The following POLR3C variants were observed in gnomAD, a reference collection of about 807,000 sequenced individuals.
POLR3C encodes RNA polymerase III subunit C, also known as DNA-directed RNA polymerase III subunit RPC3.
POLR3C carries 44 observed loss-of-function variants against 65.9 expected under a neutral mutation model. The ratio of observed to expected loss-of-function variants is 0.67; its 90% CI spans 0.52 to 0.86. The LOEUF is 0.86. POLR3C is among the 40% of genes least tolerant of loss of function. POLR3C has a pLI of 0.00. For missense variants in POLR3C, 576 were observed against 653.2 expected, an observed-to-expected ratio of 0.88 and a Z score of 1.29; for synonymous variants, 263 against 231.6, an observed-to-expected ratio of 1.14 and a Z score of -1.23.
At position 145,827,120 on chromosome 1, in the gene POLR3C, G is replaced by A. The variant is rs782333127; in HGVS notation, c.589+115G>A. On this transcript the variant is annotated intron_variant, in intron 4 of 14. Coordinates refer to ENST00000334163, the MANE Select transcript of POLR3C (RefSeq NM_006468.8). ...AAGTATTTGCTATGTGCCAGACATC[G>A]TGGTGTATAACAATGAAAAAATCAT... 1.3e-4 allele frequency: 114 copies of A among 863,068 alleles called. No individual in the cohort carries two copies. In the East Asian group the frequency reaches 2.1e-3, roughly 16 times the overall value. 53.5% of individuals were successfully genotyped at this position (863,068 alleles called of 1,614,324 possible).
intron 2 of POLR3C, 104 bp downstream of exon 2, chr1:145,826,027 GC>G (rs1650711223): frequency 5.6e-6 from 5 of 897,916 alleles, no homozygotes; most frequent in Non-Finnish European, 8.7e-6. Context: ...AATGAAGAAA[GC>G]CTGCCCTTGG....
chr1:145,837,447 TAATTATA>T, intron 9 of POLR3C, 82 bp from the exon 10 acceptor site: 1 of 637,634 alleles, frequency 1.6e-6, no homozygotes, highest in Non-Finnish European at 2.7e-6. Flanking sequence ...ATTTAAAATT[TAATTATA>T]AATTAGAAAC....
chr1:145,840,523 A>G (rs2101658459), intron 13 of POLR3C: 1 of 261,096 alleles, frequency 3.8e-6, no homozygotes, highest in Non-Finnish European at 7.3e-6. Flanking sequence ...CTGGGCGACA[A>G]AGTGAGACTC....
At chr1:145,829,829 T>G (rs1651146975) in intron 5 of POLR3C, among the ~76,000 whole-genome samples, 1 of 152,252 alleles carries the variant, frequency 6.6e-6, no homozygotes, top group Admixed American at 6.5e-5. Context: ...TTATCATTTC[T>G]ATCTTAAATG....
intron 4 of POLR3C, 120 bp from the exon 5 acceptor site, chr1:145,828,629 C>A (rs1650990461): frequency 2.9e-6 from 2 of 701,038 alleles, no homozygotes; most frequent in Non-Finnish European, 5.1e-6. Context: ...GCCCCCTAAG[C>A]AACTCTGATC....
chr1:145,825,891 A>AT lies in POLR3C; in HGVS notation c.117dup (p.Ala40CysfsTer3). 6.2e-7 allele frequency: 1 copy of AT among 1,613,748 alleles called. No homozygotes were observed. Among genetic ancestry groups the AT allele is most frequent in the Non-Finnish European group, 8.5e-7 (1 of 1,179,602 alleles). On this transcript the variant is annotated frameshift_variant, in exon 2 of 15. Coordinates refer to ENST00000334163, the MANE Select transcript of POLR3C (RefSeq NM_006468.8). LOFTEE classifies it high-confidence loss of function. ...AACCGGCAGCCAGCCACTAAGAGTA[A>AT]TTGCCCATGACACAGGAACATCACT... is the stretch of plus-strand genomic sequence containing the variant.
rs1553726503 is a variant in POLR3C at position 145,828,906 on chromosome 1, C to T, written c.678+69C>T. The T allele has an allele frequency of 6.1e-6, 5 of 815,798 alleles. No homozygotes were observed. The African/African-American group carries it at 8.5e-5, about 14-fold the overall frequency. 50.5% of individuals were successfully genotyped at this position (815,798 alleles called of 1,614,324 possible). ...CAGAAAGAGCACTCAGATAACAAGC[C>T]CCAAGAGAGCTTAAAGCTTCCTGAG... On this transcript the variant is annotated intron_variant, in intron 5 of 14. Coordinates refer to ENST00000334163, the MANE Select transcript of POLR3C (RefSeq NM_006468.8).
At chr1:145,840,324 G>C in intron 13 of POLR3C, 159 bp downstream of exon 13, 1 of 597,724 alleles carries the variant, frequency 1.7e-6, no homozygotes, top group Non-Finnish European at 3.0e-6. Context: ...TGGATCACTT[G>C]AGGTCAGGAG....
intron 14 of POLR3C, among the ~76,000 whole-genome samples, chr1:145,841,870 C>T (rs1652319702): frequency 6.6e-6 from 1 of 151,800 alleles, no homozygotes; most frequent in African/African-American, 2.4e-5. Flanking sequence ...CAAAAGCAGA[C>T]ATCTTTGTTT....
chr1:145,825,577 C>A (rs1375932770), intron 1 of POLR3C, among the ~76,000 whole-genome samples, 180 bp from the exon 2 acceptor site: 1 of 152,092 alleles, frequency 6.6e-6, no homozygotes, highest in Admixed American at 6.5e-5. Flanking sequence ...TTAGCTTTTT[C>A]TTTCTTTGGA....
intron 7 of POLR3C, among the ~76,000 whole-genome samples, chr1:145,836,102 G>A (rs1651799778): frequency 7.4e-6 from 1 of 134,624 alleles, no homozygotes; most frequent in South Asian, 2.3e-4. Flanking sequence ...ACAGTTTTGT[G>A]GTAACTAAAA....
chr1:145,825,919 A>T lies in POLR3C; in HGVS notation c.143A>T (p.Asp48Val). ...GCCCATGACACAGGAACATCACTGG[A>T]TCAGGTATGTCTAAATGACATTCAT... ...VIAHDTGTSL[D>V]QVKKALCVLV... Residue 48 changes from aspartate (D) to valine (V), a missense_variant, in exon 2 of 15, where the codon GAT (aspartate) becomes GTT (valine). Physicochemically the swap from Asp to Val is radical, Grantham distance 152 (BLOSUM62 -3). Transcript: ENST00000334163. 6.2e-7 allele frequency: 1 copy of T among 1,608,800 alleles called. No individual in the cohort carries two copies. The highest frequency in any genetic ancestry group is 8.5e-7 in the Non-Finnish European group (1 of 1,175,174).
chr1:145,830,407 C>T (rs1651204823), intron 5 of POLR3C, among the ~76,000 whole-genome samples: 2 of 151,986 alleles, frequency 1.3e-5, no homozygotes, highest in Admixed American at 6.6e-5. Flanking sequence ...GAAAAGTAGA[C>T]ATCTGATAAA....
At position 145,843,387 on chromosome 1, in the gene POLR3C, A is replaced by G. The variant is rs1199204977; in HGVS notation, c.*967A>G. Among the ~76,000 whole-genome samples the G allele has an allele frequency of 6.6e-6, 1 of 152,190 alleles. No individual in the cohort carries two copies. Among genetic ancestry groups the G allele is most frequent in the Non-Finnish European group, 1.5e-5 (1 of 68,040 alleles). ...TTAAAGCAGTTAGATGTTTTATAAT[A>G]TCTTCAGTTTTCTCTCACCAATGTG... is the stretch of plus-strand genomic sequence containing the variant. On this transcript the variant is annotated 3_prime_UTR_variant, in exon 15 of 15. Transcript: ENST00000334163.
chr1:145,833,396 C>A, intron 6 of POLR3C, 32 bp downstream of exon 6: 1 of 1,535,526 alleles, frequency 6.5e-7, no homozygotes, highest in Non-Finnish European at 9.0e-7. Context: ...CATTGGTCAT[C>A]AGGGACATTT....
rs781928567 is a variant in POLR3C at position 145,843,782 on chromosome 1, T to C, written c.*1362T>C. Among the ~76,000 whole-genome samples the C allele has an allele frequency of 2.0e-5, 3 of 152,152 alleles. No individual in the cohort carries two copies. Among genetic ancestry groups the C allele is most frequent in the East Asian group, 1.9e-4 (1 of 5,196 alleles). ...ATGAGGATGCTTTATTTGCAAACTA[T>C]CTTAACAAGGGATTCGTAACCAGAA... On this transcript the variant is annotated 3_prime_UTR_variant, in exon 15 of 15. Coordinates refer to ENST00000334163, the MANE Select transcript of POLR3C (RefSeq NM_006468.8).
rs144712511 is a variant in POLR3C, at chr1:145,842,488, G to C, written c.*68G>C. ...AGCAAAATAAAGGAGGTGCCTGGATGCATTATTTGCAGTGGGATAAGTCGC... is the reference window on the plus strand; with the variant it reads ...AGCAAAATAAAGGAGGTGCCTGGATCCATTATTTGCAGTGGGATAAGTCGC... On this transcript the variant is annotated 3_prime_UTR_variant, in exon 15 of 15. Transcript: ENST00000334163. 636 of 1,017,400 alleles carry C rather than the reference G, an allele frequency of 6.3e-4. 1 individual carries two copies. The African/African-American group carries it at 8.4e-3, about 13-fold the overall frequency. 63.0% of individuals were successfully genotyped at this position (1,017,400 alleles called of 1,614,324 possible). A position where few individuals can be genotyped will look rare whatever the true frequency, so the allele number is the denominator to read the frequency against.
intron 10 of POLR3C, 123 bp downstream of exon 10, chr1:145,837,719 G>C (rs369721984): frequency 1.3e-6 from 1 of 759,524 alleles, no homozygotes. Context: ...TTTTTCACTG[G>C]ACTCCTATGG....
chr1:145,830,853 C>T (rs1553726975), intron 5 of POLR3C, among the ~76,000 whole-genome samples: 2 of 151,648 alleles, frequency 1.3e-5, no homozygotes, highest in Admixed American at 1.3e-4. Context: ...CCTGTAATCC[C>T]AGCATTTTGG....
Sources: gnomAD v4.1 joint callset for allele counts (sites outside exome capture counted in the v4.1 genomes callset) on GRCh38, gnomAD v4.1.1 for gene constraint, MANE v1.5 for transcripts, NCBI Gene and HGNC (gene_info 2026-07-23, HGNC 2026-07-21) for gene names.